Variants in IFT57 observed in about 807,000 individuals in gnomAD.
IFT57 encodes intraflagellar transport protein 57 homolog.
In IFT57, 59 loss-of-function variants were observed where a neutral mutation model predicts 56.8. The ratio of observed to expected loss-of-function variants is 1.04; its 90% CI spans 0.84 to 1.29. The LOEUF (loss-of-function observed/expected upper bound fraction) is 1.29, where lower values mean the gene tolerates loss of function less well. IFT57 is among the 50% of genes most tolerant of loss of function. IFT57 has a pLI of 0.00. For missense variants in IFT57, 470 were observed against 522.1 expected (o/e 0.90, Z 0.97); for synonymous variants, 209 against 186.1 (o/e 1.12, Z -1.00).
In IFT57 at chr3:108,219,654, A is replaced by G. The variant is rs1039073485; in HGVS notation, c.213-82T>C. ...AATAACTAATAGGGCCGAATTCACA[A>G]TTGTCCAACAATCTTTCTTCCCCCC... On this transcript the variant is annotated intron_variant, in intron 1 of 10. Coordinates refer to ENST00000264538, the MANE Select transcript of IFT57 (RefSeq NM_018010.4). The G allele has an allele frequency of 1.1e-5, 15 of 1,376,344 alleles. No individual in the cohort carries two copies. In the African/African-American group the frequency reaches 2.0e-4, roughly 18 times the overall value. 85.3% of individuals were successfully genotyped at this position (1,376,344 alleles called of 1,614,324 possible). A position where few individuals can be genotyped will look rare whatever the true frequency, so the allele number is the denominator to read the frequency against.
chr3:108,203,031 C>T (rs2080287864), intron 5 of IFT57, among the ~76,000 whole-genome samples: 1 of 152,182 alleles, frequency 6.6e-6, no homozygotes, highest in South Asian at 2.1e-4. Context: ...AGATGGGTCA[C>T]CAGGACCTCT....
intron 6 of IFT57, among the ~76,000 whole-genome samples, chr3:108,181,774 A>G (rs1325907963): frequency 1.3e-5 from 2 of 152,108 alleles, no homozygotes; most frequent in African/African-American, 4.8e-5. Context: ...AATTGGAGCT[A>G]TTATTCCTGC....
chr3:108,218,387 A>G, intron 3 of IFT57, 148 bp downstream of exon 3: 1 of 465,194 alleles, frequency 2.1e-6, no homozygotes, highest in Non-Finnish European at 3.9e-6. Context: ...AATTTTGTCT[A>G]TACTGGCTTT....
In IFT57 at chr3:108,222,117, G is replaced by T. The variant is rs150919951; in HGVS notation, c.206C>A (p.Pro69Gln). The change falls in exon 1 of 11, where the codon CCG becomes CAG. Residue 69 changes from proline (P) to glutamine (Q), a missense_variant. Physicochemically the swap from Pro to Gln is moderately conservative, Grantham distance 76. Coordinates refer to ENST00000264538, the MANE Select transcript of IFT57 (RefSeq NM_018010.4). ...CGGGGACGCCGGCACCCACCTGGAC[G>T]GGGCCTTCAGGTTGCTCTTCCGGAG... ...EFLRKSNLKA[P>Q]SRHYFALPTN... The T allele has an allele frequency of 7.1e-5, 113 of 1,601,128 alleles. No homozygotes were observed. Among genetic ancestry groups the T allele is most frequent in the Non-Finnish European group, 9.2e-5 (108 of 1,174,044 alleles).
chr3:108,219,919 T>C lies in IFT57; in HGVS notation c.213-347A>G, dbSNP rs374308562. 2.6e-5 allele frequency among the ~76,000 whole-genome samples: 4 copies of C among 152,348 alleles called. 1 individual carries two copies. In the East Asian group the frequency reaches 7.7e-4, roughly 29 times the overall value. On this transcript the variant is annotated intron_variant, in intron 1 of 10. Coordinates refer to ENST00000264538, the MANE Select transcript of IFT57 (RefSeq NM_018010.4). Reference sequence around the variant, plus strand: ...GTAAGTACCTTATGAATGAAAATGGTAATCTGGAAGAACCTCAGAGTTTAA... The same window carrying C: ...GTAAGTACCTTATGAATGAAAATGGCAATCTGGAAGAACCTCAGAGTTTAA...
chr3:108,170,745 C>T (rs1435146833), intron 6 of IFT57, among the ~76,000 whole-genome samples: 6 of 150,000 alleles, frequency 4.0e-5, no homozygotes, highest in Non-Finnish European at 8.9e-5. Flanking sequence ...TACTTGACTT[C>T]AAACTATGCT....
rs749708662 is a variant in IFT57 at position 108,222,038 on chromosome 3, C to A, written c.212+73G>T. 7 of 1,539,100 alleles carry A rather than the reference C, an allele frequency of 4.5e-6. No individual in the cohort carries two copies. The South Asian group carries it at 8.4e-5, about 19-fold the overall frequency. ...CTAACCCGCTCTCACGAAACTGGTT[C>A]CCAGCAGGACCAAGGAGGGCATCTC... On this transcript the variant is annotated intron_variant, in intron 1 of 10. Transcript: ENST00000264538.
intron 6 of IFT57, among the ~76,000 whole-genome samples, chr3:108,171,907 TTC>T (rs1414399560): frequency 3.3e-5 from 5 of 151,826 alleles, no homozygotes; most frequent in African/African-American, 1.2e-4. Context: ...CAGTCTCTGT[TTC>T]TCTTTGCCTG....
intron 5 of IFT57, among the ~76,000 whole-genome samples, chr3:108,202,502 G>A (rs898140136): frequency 2.6e-5 from 4 of 152,130 alleles, no homozygotes; most frequent in Admixed American, 2.6e-4. Flanking sequence ...CCTTTCTCAT[G>A]GCCACTCTTA....
intron 6 of IFT57, among the ~76,000 whole-genome samples, chr3:108,181,648 ATT>A (rs1386501651): frequency 6.6e-6 from 1 of 152,092 alleles, no homozygotes; most frequent in Non-Finnish European, 1.5e-5. Context: ...TCAAGGATAA[ATT>A]TGCTGAAAAT....
At chr3:108,180,835 T>C (rs2080147901) in intron 6 of IFT57, among the ~76,000 whole-genome samples, 1 of 152,076 alleles carries the variant, frequency 6.6e-6, no homozygotes, top group Admixed American at 6.6e-5. Context: ...TATTAAGTAA[T>C]TTTAAAAAAC....
chr3:108,192,613 T>C (rs547936660), intron 5 of IFT57, among the ~76,000 whole-genome samples: 13 of 152,120 alleles, frequency 8.5e-5, no homozygotes, highest in Admixed American at 4.6e-4. Context: ...TTAACTCCCT[T>C]AATAAATTAT....
chr3:108,167,839 A>G lies in IFT57; in HGVS notation c.803T>C (p.Met268Thr), dbSNP rs2080071074. The G allele has an allele frequency of 6.3e-7, 1 of 1,593,362 alleles. No individual in the cohort carries two copies. The highest frequency in any genetic ancestry group is 1.4e-5 in the African/African-American group (1 of 73,902). ...NKDWRIHVDQ[M>T]HQHRSGIESA... is the part of the protein sequence containing the mutation. ...TTCAATTCCACTTCTGTGCTGGTGC[A>G]TTTGGTCAACATGGATTCTCCAATC... Residue 268 changes from methionine to threonine, a missense_variant, in exon 7 of 11, where the codon ATG becomes ACG. Coordinates refer to ENST00000264538, the MANE Select transcript of IFT57 (RefSeq NM_018010.4).
At position 108,161,505 on chromosome 3, in the gene IFT57, C is replaced by T. The variant is rs556352628; in HGVS notation, c.*972G>A. The T allele has an allele frequency of 2.2e-4, 32 of 146,958 alleles. No homozygotes were observed. The highest frequency in any genetic ancestry group is 7.3e-4 in the African/African-American group (29 of 39,588). The allele number at this position is 146,958 out of a possible 1,614,324, so 9.1% of individuals were successfully genotyped here. ...TGTCCTAAACATAAAGCATTCTTAT[C>T]AAATTTTCTACCACTGCTTTTGAAA... On this transcript the variant is annotated 3_prime_UTR_variant, in exon 11 of 11. Coordinates refer to ENST00000264538, the MANE Select transcript of IFT57 (RefSeq NM_018010.4).
At chr3:108,181,484 T>G (rs910930842) in intron 6 of IFT57, among the ~76,000 whole-genome samples, 1 of 152,074 alleles carries the variant, frequency 6.6e-6, no homozygotes, top group African/African-American at 2.4e-5. Context: ...AAAGCTTGTC[T>G]GTAAAAGTCC....
chr3:108,203,427 A>G (rs2080290830), intron 5 of IFT57, among the ~76,000 whole-genome samples: 1 of 152,122 alleles, frequency 6.6e-6, no homozygotes, highest in African/African-American at 2.4e-5. Flanking sequence ...GTGTAGGTAC[A>G]ACTCTTGGGA....
chr3:108,166,286 C>G (rs1377722157), intron 8 of IFT57, among the ~76,000 whole-genome samples: 2 of 152,000 alleles, frequency 1.3e-5, no homozygotes, highest in Admixed American at 6.6e-5. Flanking sequence ...TTTTAGATCC[C>G]TACTGCTGGG....
chr3:108,188,082 C>G (rs553945829), intron 6 of IFT57, among the ~76,000 whole-genome samples: 4 of 151,926 alleles, frequency 2.6e-5, no homozygotes, highest in African/African-American at 9.6e-5. Flanking sequence ...TGCTATCCTT[C>G]CCCCCTCCTC....
At chr3:108,209,643 G>T (rs2080333275) in intron 4 of IFT57, among the ~76,000 whole-genome samples, 1 of 152,178 alleles carries the variant, frequency 6.6e-6, no homozygotes, top group East Asian at 1.9e-4. Flanking sequence ...ATGCGGATGG[G>T]CTTTATTCAA....
Sources: allele counts gnomAD v4.1 joint callset (sites outside exome capture counted in the v4.1 genomes callset), GRCh38; gene constraint gnomAD v4.1.1; transcripts MANE v1.5; gene names NCBI Gene and HGNC (gene_info 2026-07-23, HGNC 2026-07-21).